PAK5: variants seen among roughly 807,000 people sequenced by gnomAD.
PAK5 encodes the protein p21 (RAC1) activated kinase 5.
PAK5 carries 16 observed loss-of-function variants against 65.9 expected under a neutral mutation model. That is an observed-to-expected ratio of 0.24 (90% CI 0.16 to 0.37). PAK5 has a LOEUF of 0.37. Ranked by LOEUF, PAK5 falls within the 10% of genes least tolerant of loss-of-function variation. The pLI is 1.00. For synonymous variants in PAK5, 371 were observed against 354.9 expected (o/e 1.05, Z -0.51); for missense variants, 785 against 903.9 (o/e 0.87, Z 1.69).
At chr20:9,802,999 T>G (rs1600391601) in intron 1 of PAK5, among the ~76,000 whole-genome samples, 1 of 141,184 alleles carries the variant, frequency 7.1e-6, no homozygotes, top group East Asian at 2.1e-4. Context: ...AAACCATGCT[T>G]CAAATACTAG....
Position 9,833,972 on chromosome 20 carries a change from CA to C in PAK5, c.-162+4789del, listed in dbSNP as rs1978946831. 4.6e-5 allele frequency among the ~76,000 whole-genome samples: 7 copies of C among 152,208 alleles called. No homozygotes were observed. In the South Asian group the frequency reaches 1.5e-3, roughly 32 times the overall value. ...CCATTCTACTTTTTAGTTAGTAAAA[CA>C]CTGGCATTTTGGGTGGCCATCAATT... On this transcript the variant is annotated intron_variant, in intron 1 of 9. Transcript: ENST00000353224.
At position 9,539,449 on chromosome 20, in the gene PAK5, A is replaced by C. The variant is rs770668564; in HGVS notation, c.*13T>G. On this transcript the variant is annotated 3_prime_UTR_variant, in exon 10 of 10. Transcript: ENST00000353224. Reference sequence around the variant, plus strand: ...GTCCTCATCTAGCTTTGCCACCTACACGAATCCTCTGCTCAGTGATGCCTG... The same window carrying C: ...GTCCTCATCTAGCTTTGCCACCTACCCGAATCCTCTGCTCAGTGATGCCTG... 20 of 1,612,448 alleles carry C rather than the reference A, an allele frequency of 1.2e-5. No homozygotes were observed. The highest frequency in any genetic ancestry group is 8.8e-5 in the South Asian group (8 of 91,026).
intron 1 of PAK5, among the ~76,000 whole-genome samples, chr20:9,754,373 T>C (rs1314382851): frequency 6.6e-6 from 1 of 152,036 alleles, no homozygotes; most frequent in Non-Finnish European, 1.5e-5. Flanking sequence ...TACTGATTGG[T>C]CGGGTCAGAG....
intron 1 of PAK5, among the ~76,000 whole-genome samples, chr20:9,835,572 A>G (rs1011312187): frequency 1.3e-5 from 2 of 152,130 alleles, no homozygotes; most frequent in Non-Finnish European, 2.9e-5. Flanking sequence ...GCTCTGGATG[A>G]AGGATTAGAA....
intron 1 of PAK5, chr20:9,784,576 T>C (rs1241818782): frequency 6.6e-6 from 1 of 152,092 alleles, no homozygotes; most frequent in South Asian, 2.1e-4. Context: ...GAAGCCAAGA[T>C]AGAAATGTTT....
chr20:9,742,287 G>T (rs562564441), intron 1 of PAK5, among the ~76,000 whole-genome samples: 2 of 152,226 alleles, frequency 1.3e-5, no homozygotes, highest in African/African-American at 4.8e-5. Context: ...AATAAAAAGT[G>T]AAAGAAAATT....
At chr20:9,739,735 G>A (rs898354283) in intron 1 of PAK5, among the ~76,000 whole-genome samples, 1 of 152,082 alleles carries the variant, frequency 6.6e-6, no homozygotes. Flanking sequence ...TAATTTGAGA[G>A]AATACAAGAC....
chr20:9,827,877 G>T (rs753811289), intron 1 of PAK5, among the ~76,000 whole-genome samples: 4 of 152,198 alleles, frequency 2.6e-5, no homozygotes, highest in Non-Finnish European at 4.4e-5. Context: ...TGTCGCCCAG[G>T]CTGGAGTGCA....
At chr20:9,574,406 A>T (rs1296570119) in intron 4 of PAK5, among the ~76,000 whole-genome samples, 7 of 152,098 alleles carry the variant, frequency 4.6e-5, no homozygotes, top group Admixed American at 1.3e-4. Flanking sequence ...AACTCAAAGA[A>T]TGTGTCTTCT....
At chr20:9,545,493 T>C (rs1343962154) in intron 7 of PAK5, among the ~76,000 whole-genome samples, 5 of 152,044 alleles carry the variant, frequency 3.3e-5, no homozygotes, top group Non-Finnish European at 5.9e-5. Flanking sequence ...AGTGAAAAAA[T>C]TTTTAAAGGT....
chr20:9,673,007 C>T (rs2047521603), intron 2 of PAK5, among the ~76,000 whole-genome samples: 1 of 152,152 alleles, frequency 6.6e-6, no homozygotes, highest in Non-Finnish European at 1.5e-5. Flanking sequence ...GCTCACCTCC[C>T]CTTCTCTCTA....
intron 3 of PAK5, among the ~76,000 whole-genome samples, chr20:9,629,892 A>G (rs1245556621): frequency 6.6e-6 from 1 of 152,160 alleles, no homozygotes; most frequent in Non-Finnish European, 1.5e-5. Context: ...AGAGTAGAAA[A>G]CTGGACATTG....
rs548467358 is a variant in PAK5, at chr20:9,539,397, C to A, written c.*65G>T. 6.6e-7 allele frequency: 1 copy of A among 1,509,136 alleles called. No homozygotes were observed. Among genetic ancestry groups the A allele is most frequent in the South Asian group, 1.2e-5 (1 of 86,276 alleles). 93.5% of individuals were successfully genotyped at this position (1,509,136 alleles called of 1,614,324 possible). On this transcript the variant is annotated 3_prime_UTR_variant, in exon 10 of 10. Coordinates refer to ENST00000353224, the MANE Select transcript of PAK5 (RefSeq NM_177990.4). ...CAGGCCTTTTGCATGTTCTGTGTTT[C>A]CTTTTGTTCTCCTGAATTATTCTCA...
chr20:9,832,060 A>G (rs1489009168), intron 1 of PAK5, among the ~76,000 whole-genome samples: 1 of 152,026 alleles, frequency 6.6e-6, no homozygotes, highest in East Asian at 1.9e-4. Flanking sequence ...TTTAATACCT[A>G]TATAATAGTC....
intron 1 of PAK5, among the ~76,000 whole-genome samples, chr20:9,752,529 G>A (rs990021230): frequency 2.6e-5 from 4 of 152,132 alleles, no homozygotes; most frequent in South Asian, 2.1e-4. Flanking sequence ...TAGATTTAAC[G>A]ATATGATAAA....
intron 2 of PAK5, among the ~76,000 whole-genome samples, chr20:9,658,503 A>G (rs1271214805): frequency 6.6e-6 from 1 of 152,206 alleles, no homozygotes; most frequent in African/African-American, 2.4e-5. Context: ...TCTATAAACA[A>G]TGAAAGCTAT....
chr20:9,807,685 T>C (rs2049249119), intron 1 of PAK5, among the ~76,000 whole-genome samples: 1 of 151,580 alleles, frequency 6.6e-6, no homozygotes, highest in Non-Finnish European at 1.5e-5. Context: ...TCCCTTGCAG[T>C]TAATTTGGGG....
At chr20:9,608,960 G>T (rs961282576) in intron 3 of PAK5, among the ~76,000 whole-genome samples, 1 of 152,212 alleles carries the variant, frequency 6.6e-6, no homozygotes, top group African/African-American at 2.4e-5. Context: ...ACATGATGAA[G>T]AATAAAGCAA....
chr20:9,772,015 G>A (rs1057142709), intron 1 of PAK5, among the ~76,000 whole-genome samples: 1 of 152,122 alleles, frequency 6.6e-6, no homozygotes, highest in African/African-American at 2.4e-5. Context: ...TCCAGCCTGG[G>A]TGACATAGTG....
Sources: allele counts gnomAD v4.1 joint callset (sites outside exome capture counted in the v4.1 genomes callset), GRCh38; gene constraint gnomAD v4.1.1; transcripts MANE v1.5; gene names NCBI Gene and HGNC (gene_info 2026-07-23, HGNC 2026-07-21).